The following PCDH9 variants were observed in gnomAD, a reference collection of about 807,000 sequenced individuals.
The protein encoded by PCDH9 is protocadherin-9.
A neutral mutation model predicts 70.6 loss-of-function variants in PCDH9; 24 were observed. That is an observed-to-expected ratio of 0.34 (90% CI 0.25 to 0.48). The LOEUF (loss-of-function observed/expected upper bound fraction) is 0.48, where lower values mean the gene tolerates loss of function less well. Among genes scored for constraint, PCDH9 ranks in the 20% least tolerant of loss-of-function variants. The pLI is 0.99. For synonymous variants in PCDH9, 562 were observed against 558.5 expected, an observed-to-expected ratio of 1.01 and a Z score of -0.09; for missense variants, 1,281 against 1,503.6, an observed-to-expected ratio of 0.85 and a Z score of 2.45.
chr13:66,345,255 T>G (rs894254105), intron 4 of PCDH9, among the ~76,000 whole-genome samples: 13 of 152,300 alleles, frequency 8.5e-5, no homozygotes, highest in African/African-American at 2.9e-4. Flanking sequence ...TTCTCTCAGA[T>G]GATATATGCT....
intron 2 of PCDH9, among the ~76,000 whole-genome samples, chr13:67,065,435 A>C (rs577969287): frequency 1.3e-5 from 2 of 152,304 alleles, no homozygotes; most frequent in East Asian, 3.9e-4. Flanking sequence ...TTCTAGTTTT[A>C]GATATCAATT....
rs556805717 is a variant in PCDH9, at chr13:66,766,233, G to A, written c.3139-134822C>T. On this transcript the variant is annotated intron_variant, in intron 3 of 4. Transcript: ENST00000377865. ...GTGGATACTGGAGATTTTGACAAGA[G>A]TAGACAGCAGTAGTCAGTCTACCAG... Among the ~76,000 whole-genome samples the A allele has an allele frequency of 2.6e-5, 4 of 151,910 alleles. No individual in the cohort carries two copies. The South Asian group carries it at 8.3e-4, about 31-fold the overall frequency.
chr13:66,304,910 G>T lies in PCDH9; in HGVS notation c.3459C>A (p.His1153Gln). 3 of 1,613,624 alleles carry T rather than the reference G, an allele frequency of 1.9e-6. No homozygotes were observed. The highest frequency in any genetic ancestry group is 2.7e-5 in the African/African-American group (2 of 74,984). ...WMPPGLGPYQ[H>Q]PKSPLSTFAP... ...CAAAGGTTGAGAGAGGAGATTTGGG[G>T]TGTTGATATGGACCCAAGCCAGGAG... is the stretch of plus-strand genomic sequence containing the variant. Residue 1153 changes from histidine (H) to glutamine (Q), a missense_variant, in exon 5 of 5, where the codon CAC becomes CAA. Transcript: ENST00000377865.
chr13:66,880,856 A>T (rs1204721363), intron 3 of PCDH9, among the ~76,000 whole-genome samples: 1 of 152,226 alleles, frequency 6.6e-6, no homozygotes, highest in Non-Finnish European at 1.5e-5. Context: ...TATTGCTAGA[A>T]AATTTCTGAT....
At chr13:66,709,087 T>C (rs184473734) in intron 3 of PCDH9, among the ~76,000 whole-genome samples, 40 of 152,302 alleles carry the variant, frequency 2.6e-4, no homozygotes, top group Non-Finnish European at 3.7e-4. Context: ...TTGTGAGATA[T>C]GCTGGTAGAA....
intron 3 of PCDH9, among the ~76,000 whole-genome samples, chr13:66,674,524 G>A (rs1270243881): frequency 6.6e-6 from 1 of 151,988 alleles, no homozygotes; most frequent in African/African-American, 2.4e-5. Flanking sequence ...GCTGTATTCT[G>A]GAATTATATA....
intron 2 of PCDH9, among the ~76,000 whole-genome samples, chr13:67,125,921 A>T (rs769637512): frequency 6.6e-6 from 1 of 151,992 alleles, no homozygotes; most frequent in Non-Finnish European, 1.5e-5. Context: ...TCACATTATC[A>T]TGTACCCTTC....
chr13:67,016,494 C>G (rs935949178), intron 2 of PCDH9, among the ~76,000 whole-genome samples: 2 of 152,144 alleles, frequency 1.3e-5, no homozygotes, highest in Non-Finnish European at 2.9e-5. Flanking sequence ...TGGATTGGCT[C>G]AAAGCCATTA....
Position 66,303,523 on chromosome 13 carries a change from A to G in PCDH9, c.*1132T>C, listed in dbSNP as rs1363409168. ...CTAATAACACTTGTGTTACAACAAC[A>G]TTATTGTATATGAGGATCAACACAG... On this transcript the variant is annotated 3_prime_UTR_variant, in exon 5 of 5. Coordinates refer to ENST00000377865, the MANE Select transcript of PCDH9 (RefSeq NM_203487.3). 6.6e-6 allele frequency: 1 copy of G among 152,494 alleles called. No individual in the cohort carries two copies. Among genetic ancestry groups the G allele is most frequent in the Non-Finnish European group, 1.5e-5 (1 of 67,986 alleles). 9.4% of individuals were successfully genotyped at this position (152,494 alleles called of 1,614,324 possible). A position where few individuals can be genotyped will look rare whatever the true frequency, so the allele number is the denominator to read the frequency against.
intron 4 of PCDH9, among the ~76,000 whole-genome samples, chr13:66,420,372 G>A (rs1312373392): frequency 6.6e-6 from 1 of 152,314 alleles, no homozygotes. Flanking sequence ...TGTGCCTCAT[G>A]ATGGGGAGAC....
intron 4 of PCDH9, among the ~76,000 whole-genome samples, chr13:66,395,473 C>A (rs904074528): frequency 2.0e-5 from 3 of 151,878 alleles, no homozygotes; most frequent in Non-Finnish European, 4.4e-5. Flanking sequence ...CGGTGGCACG[C>A]GCCTGTAATC....
intron 4 of PCDH9, among the ~76,000 whole-genome samples, chr13:66,556,863 T>A (rs1224749103): frequency 3.9e-5 from 6 of 152,046 alleles, no homozygotes; most frequent in Admixed American, 3.9e-4. Flanking sequence ...AGGAGCTAGA[T>A]AGAACAAAAC....
intron 3 of PCDH9, among the ~76,000 whole-genome samples, chr13:66,718,982 A>G (rs570415019): frequency 9.2e-5 from 14 of 152,328 alleles, no homozygotes; most frequent in African/African-American, 3.4e-4. Flanking sequence ...AGTGATCAAG[A>G]ACATTGTTGA....
intron 2 of PCDH9, among the ~76,000 whole-genome samples, chr13:67,160,264 G>A (rs1302658046): frequency 6.6e-6 from 1 of 152,196 alleles, no homozygotes; most frequent in African/African-American, 2.4e-5. Flanking sequence ...AACACAACCT[G>A]GCCGGGTGCG....
chr13:67,048,160 C>T (rs1245435148), intron 2 of PCDH9, among the ~76,000 whole-genome samples: 1 of 152,128 alleles, frequency 6.6e-6, no homozygotes, highest in Non-Finnish European at 1.5e-5. Context: ...TAATTTATTT[C>T]AAAAAGGATC....
intron 4 of PCDH9, among the ~76,000 whole-genome samples, chr13:66,498,911 A>G (rs1594070255): frequency 6.6e-6 from 1 of 151,804 alleles, no homozygotes; most frequent in South Asian, 2.1e-4. Flanking sequence ...ACAAGACCAG[A>G]ACAATTTTCA....
chr13:66,499,205 G>T (rs1422676921), intron 4 of PCDH9, among the ~76,000 whole-genome samples: 1 of 151,788 alleles, frequency 6.6e-6, no homozygotes, highest in African/African-American at 2.4e-5. Context: ...TTAAAAGAAA[G>T]ATGATATTTA....
chr13:66,849,756 G>A (rs900430118), intron 3 of PCDH9, among the ~76,000 whole-genome samples: 6 of 152,142 alleles, frequency 3.9e-5, no homozygotes, highest in Non-Finnish European at 5.9e-5. Context: ...AATGAGATTG[G>A]AAGAAGTCTC....
chr13:66,466,824 A>G (rs576781810), intron 4 of PCDH9, among the ~76,000 whole-genome samples: 14 of 152,232 alleles, frequency 9.2e-5, no homozygotes, highest in African/African-American at 3.4e-4. Context: ...TGATTCAAAT[A>G]TAAGTGATTG....
Sources: gnomAD v4.1 joint callset for allele counts (sites outside exome capture counted in the v4.1 genomes callset) on GRCh38, gnomAD v4.1.1 for gene constraint, MANE v1.5 for transcripts, NCBI Gene and HGNC (gene_info 2026-07-23, HGNC 2026-07-21) for gene names.